Variants in MTAP observed in about 807,000 individuals in gnomAD.
MTAP encodes methylthioadenosine phosphorylase.
MTAP carries 33 observed loss-of-function variants against 33.6 expected under a neutral mutation model. The ratio of observed to expected loss-of-function variants is 0.98; its 90% CI spans 0.74 to 1.31. The LOEUF is 1.31. Ranked by LOEUF, MTAP falls within the 40% of genes most tolerant of loss-of-function variation. MTAP has a pLI of 0.00. For missense variants in MTAP, 367 were observed against 360.0 expected (o/e 1.02, Z -0.16); for synonymous variants, 148 against 125.7 (o/e 1.18, Z -1.19).
chr9:21,883,908 CAG>C (rs1208263140), intron 1 of MTAP, among the ~76,000 whole-genome samples: 2 of 152,050 alleles, frequency 1.3e-5, no homozygotes, highest in Non-Finnish European at 2.9e-5. Context: ...CTCTGTGCCA[CAG>C]GGGGCTGTTG....
Position 21,922,729 on chromosome 9 carries a change from C to T in MTAP, c.148-8279C>T, listed in dbSNP as rs535665033. The stretch of plus-strand genomic sequence containing the variant: ...CACTCTCCTGCCTTCCAACCAATTC[C>T]CAGAACTATTACTCTCAGCCACAGT... On this transcript the variant is annotated intron_variant, in intron 1 of 1. Coordinates refer to the MTAP transcript ENST00000577563. This position sits in a 1 kb window ranked among gnomAD's most constrained non-coding sequence, Gnocchi z 4.8. Among the ~76,000 whole-genome samples, 7 of 152,234 alleles carry T rather than the reference C, an allele frequency of 4.6e-5. No homozygotes were observed. The highest frequency in any genetic ancestry group is 1.7e-4 in the African/African-American group (7 of 41,536).
chr9:21,860,222 T>C (rs1319658450), intron 7 of MTAP: 1 of 152,208 alleles, frequency 6.6e-6, no homozygotes, highest in Non-Finnish European at 1.5e-5. Context: ...TGTATGGTGG[T>C]AAGTGACTGC....
At chr9:21,874,387 C>T (rs958237540) in intron 1 of MTAP, among the ~76,000 whole-genome samples, 3 of 152,024 alleles carry the variant, frequency 2.0e-5, no homozygotes, top group African/African-American at 7.2e-5. Context: ...TTATAAATGC[C>T]ATGTTTTACA....
chr9:21,858,830 G>A lies in MTAP; in HGVS notation c.691-473G>A, dbSNP rs117659691. On this transcript the variant is annotated intron_variant, in intron 6 of 7. Coordinates refer to ENST00000644715, the MANE Select transcript of MTAP (RefSeq NM_002451.4). ...CGAGCTTGAACTCAGGGGTTTAAAC[G>A]TAGAATAAACAGACTTCACAAGTCA... The A allele has an allele frequency of 5.6e-3, 858 of 152,710 alleles. 18 individuals carry two copies. The highest frequency in any genetic ancestry group is 0.054 in the East Asian group (282 of 5,180). The allele number at this position is 152,710 out of a possible 1,614,324, so 9.5% of individuals were successfully genotyped here.
chr9:21,873,616 C>T (rs1013437812), intron 1 of MTAP, among the ~76,000 whole-genome samples: 2 of 99,064 alleles, frequency 2.0e-5, no homozygotes, highest in Admixed American at 2.7e-4. Context: ...CCCCGCCCCC[C>T]ACCCCAAGAA....
chr9:21,873,568 A>T (rs902116792), intron 1 of MTAP, among the ~76,000 whole-genome samples: 1 of 151,544 alleles, frequency 6.6e-6, no homozygotes, highest in African/African-American at 2.4e-5. Flanking sequence ...CCCTCATCAG[A>T]CACTGAATCT....
At chr9:21,914,784 TAAA>T (rs143107602) in intron 1 of MTAP, among the ~76,000 whole-genome samples, 1 of 137,294 alleles carries the variant, frequency 7.3e-6, no homozygotes, top group Non-Finnish European at 1.6e-5. Context: ...AGTATAATAA[TAAA>T]AAAAAAATAA....
At chr9:21,927,626 T>C (rs779463717) in intron 1 of MTAP, among the ~76,000 whole-genome samples, 9 of 152,196 alleles carry the variant, frequency 5.9e-5, no homozygotes, top group Non-Finnish European at 8.8e-5. Context: ...TCAGATAGGA[T>C]TGGCTTTGTC....
intron 6 of MTAP, among the ~76,000 whole-genome samples, chr9:21,857,716 A>T (rs1180782740): frequency 1.3e-5 from 2 of 152,246 alleles, no homozygotes; most frequent in African/African-American, 4.8e-5. Flanking sequence ...TAAACACTTC[A>T]GGAGGTATCT....
At chr9:21,813,532 A>G (rs1824403148) in intron 1 of MTAP, among the ~76,000 whole-genome samples, 1 of 152,218 alleles carries the variant, frequency 6.6e-6, no homozygotes, top group South Asian at 2.1e-4. Context: ...CAACTGCTAC[A>G]ATGCTGGGCA....
chr9:21,831,148 C>A (rs1362659724), intron 4 of MTAP, among the ~76,000 whole-genome samples: 1 of 152,122 alleles, frequency 6.6e-6, no homozygotes, highest in Admixed American at 6.5e-5. Flanking sequence ...CTTTCTTTCA[C>A]CCCCAACTAC....
chr9:21,881,125 C>T (rs1488943965), intron 1 of MTAP, among the ~76,000 whole-genome samples: 1 of 151,988 alleles, frequency 6.6e-6, no homozygotes, highest in Non-Finnish European at 1.5e-5. Context: ...GTCAAATGAT[C>T]TTCAACAAGG....
At chr9:21,852,507 C>G (rs1394301666) in intron 5 of MTAP, among the ~76,000 whole-genome samples, 2 of 98,120 alleles carry the variant, frequency 2.0e-5, no homozygotes, top group African/African-American at 5.3e-5. Flanking sequence ...GAGACTCCAT[C>G]TCAAAAAAAA....
chr9:21,809,354 TA>T (rs1587194690), intron 1 of MTAP, among the ~76,000 whole-genome samples: 2 of 152,062 alleles, frequency 1.3e-5, no homozygotes, highest in East Asian at 3.9e-4. Flanking sequence ...ATTTATGGTC[TA>T]GGGGCCGGGC....
At chr9:21,932,926 C>G (rs1184059500), downstream of MTAP, 1 of 152,140 alleles carries the variant, frequency 6.6e-6, no homozygotes, top group Non-Finnish European at 1.5e-5. Flanking sequence ...AACTTTTTCA[C>G]TCAGTTATTT....
intron 5 of MTAP, among the ~76,000 whole-genome samples, chr9:21,847,623 C>A (rs185771395): frequency 3.5e-4 from 53 of 152,272 alleles, no homozygotes; most frequent in Non-Finnish European, 5.1e-4. Flanking sequence ...ATACCTTTGA[C>A]CATATATGGA....
At position 21,862,233 on chromosome 9, in the gene MTAP, A is replaced by G; in HGVS notation, c.*219A>G. ...GAAGAAAAGCAAATGACTAGTAAAC[A>G]TGTGGGAAAAAATATTACATTTTAA... On this transcript the variant is annotated 3_prime_UTR_variant, in exon 8 of 8. Coordinates refer to ENST00000644715, the MANE Select transcript of MTAP (RefSeq NM_002451.4). 1 of 1,178,512 alleles carries G rather than the reference A, an allele frequency of 8.5e-7. No individual in the cohort carries two copies. Among genetic ancestry groups the G allele is most frequent in the Non-Finnish European group, 1.1e-6 (1 of 916,804 alleles). The allele number at this position is 1,178,512 out of a possible 1,614,324, so 73.0% of individuals were successfully genotyped here. A position where few individuals can be genotyped will look rare whatever the true frequency, so the allele number is the denominator to read the frequency against.
chr9:21,822,534 A>G lies in MTAP; in HGVS notation c.347+4332A>G, dbSNP rs566406043. Among the ~76,000 whole-genome samples the G allele has an allele frequency of 2.6e-4, 40 of 152,214 alleles. No homozygotes were observed. In the South Asian group the frequency reaches 7.5e-3, roughly 28 times the overall value. ...TTCTGTTCTTTTACATTTGCTGAGGAGTGCTTTACTTCCAACTATGTGGTC... is the reference window on the plus strand; with the variant it reads ...TTCTGTTCTTTTACATTTGCTGAGGGGTGCTTTACTTCCAACTATGTGGTC... On this transcript the variant is annotated intron_variant, in intron 4 of 7. Transcript: ENST00000644715.
At chr9:21,904,719 T>C (rs1367876999) in intron 1 of MTAP, among the ~76,000 whole-genome samples, 1 of 152,110 alleles carries the variant, frequency 6.6e-6, no homozygotes, top group African/African-American at 2.4e-5. Context: ...ATTAGTAAGG[T>C]TTTTTAACAC....
Sources: gnomAD v4.1 joint callset for allele counts (sites outside exome capture counted in the v4.1 genomes callset) on GRCh38, gnomAD v4.1.1 for gene constraint, Gnocchi (gnomAD v3.1) non-coding constraint, MANE v1.5 for transcripts, NCBI Gene and HGNC (gene_info 2026-07-23, HGNC 2026-07-21) for gene names.